SLC9B1: variants seen among roughly 807,000 people sequenced by gnomAD.
SLC9B1 encodes solute carrier family 9 member B1, also known as sodium/hydrogen exchanger 9B1.
SLC9B1 carries 32 observed loss-of-function variants against 51.7 expected under a neutral mutation model. The observed-to-expected ratio is 0.62, with a 90% confidence interval of 0.47 to 0.83. The LOEUF (loss-of-function observed/expected upper bound fraction) is 0.83, where lower values mean the gene tolerates loss of function less well. Among genes scored for constraint, SLC9B1 ranks in the 40% least tolerant of loss-of-function variants. The pLI is 0.00. For synonymous variants in SLC9B1, 145 were observed against 212.7 expected (o/e 0.68, Z 2.77); for missense variants, 406 against 613.2 (o/e 0.66, Z 3.57).
intron 7 of SLC9B1, among the ~76,000 whole-genome samples, chr4:102,931,743 C>A (rs1245908454): frequency 6.6e-6 from 1 of 152,094 alleles, no homozygotes; most frequent in Non-Finnish European, 1.5e-5. Context: ...ATAGAGCAAC[C>A]AGTTGTTTAT....
At chr4:103,017,270 C>T (rs1741418892) in intron 1 of SLC9B1, among the ~76,000 whole-genome samples, 1 of 152,166 alleles carries the variant, frequency 6.6e-6, no homozygotes. Context: ...CTGCAATTAT[C>T]TTCTGCTATA....
chr4:102,918,413 C>T (rs1735696367), intron 7 of SLC9B1, among the ~76,000 whole-genome samples: 1 of 152,106 alleles, frequency 6.6e-6, no homozygotes, highest in Admixed American at 6.6e-5. Flanking sequence ...AAAAACCTCC[C>T]AGCAAACCAA....
intron 3 of SLC9B1, among the ~76,000 whole-genome samples, chr4:102,960,331 G>C (rs1017686221): frequency 2.0e-5 from 3 of 152,092 alleles, no homozygotes; most frequent in Non-Finnish European, 4.4e-5. Flanking sequence ...ACTCTGGGTA[G>C]AGAAATAGTA....
chr4:102,998,304 A>G (rs577006760), intron 1 of SLC9B1, among the ~76,000 whole-genome samples: 1 of 152,256 alleles, frequency 6.6e-6, no homozygotes, highest in African/African-American at 2.4e-5. Flanking sequence ...TGCACTTATC[A>G]TGCCTTCAAA....
intron 3 of SLC9B1, among the ~76,000 whole-genome samples, chr4:102,964,381 A>G (rs1343602264): frequency 6.6e-6 from 1 of 152,054 alleles, no homozygotes; most frequent in Admixed American, 6.5e-5. Context: ...AATAATACCA[A>G]TGTTACAAAA....
intron 3 of SLC9B1, among the ~76,000 whole-genome samples, chr4:102,961,525 C>T (rs1738123089): frequency 6.6e-6 from 1 of 152,368 alleles, no homozygotes. Context: ...TAGTATTTGC[C>T]AACTCCCAGA....
intron 3 of SLC9B1, among the ~76,000 whole-genome samples, chr4:102,966,773 C>T (rs887345677): frequency 6.6e-6 from 1 of 152,172 alleles, no homozygotes; most frequent in African/African-American, 2.4e-5. Context: ...ATTGGTTGTT[C>T]TGCTGCACCC....
At position 102,925,251 on chromosome 4, in the gene SLC9B1, A is replaced by G. The variant is rs558689285; in HGVS notation, c.829+6873T>C. ...TAAAAAGGATGAGTTCCTGTCCTTT[A>G]TAAGGACATGGATGAAGCTAGAAAC... On this transcript the variant is annotated intron_variant, in intron 7 of 11. Transcript: ENST00000296422. Among the ~76,000 whole-genome samples the G allele has an allele frequency of 8.7e-4, 133 of 152,148 alleles. 1 individual carries two copies. Among genetic ancestry groups the G allele is most frequent in the African/African-American group, 2.8e-3 (117 of 41,522 alleles).
chr4:102,905,112 C>A (rs1436861026), intron 11 of SLC9B1, among the ~76,000 whole-genome samples: 1 of 151,818 alleles, frequency 6.6e-6, no homozygotes, highest in African/African-American at 2.4e-5. Context: ...TGTGATCATG[C>A]GACTGCACTC....
intron 1 of SLC9B1, among the ~76,000 whole-genome samples, chr4:103,012,737 A>T (rs1377036958): frequency 6.6e-6 from 1 of 152,240 alleles, no homozygotes; most frequent in Non-Finnish European, 1.5e-5. Context: ...ATTAAGGTTC[A>T]GTCAGGTTCA....
intron 1 of SLC9B1, among the ~76,000 whole-genome samples, chr4:103,004,796 A>G (rs955375075): frequency 1.3e-5 from 2 of 152,252 alleles, no homozygotes; most frequent in Non-Finnish European, 2.9e-5. Context: ...ATTCTTAAAG[A>G]AAAGAAATTT....
intron 3 of SLC9B1, 109 bp downstream of exon 3, chr4:102,989,691 A>G: frequency 1.6e-6 from 1 of 616,516 alleles, no homozygotes; most frequent in Admixed American, 4.2e-5. Flanking sequence ...AAAGCTGATC[A>G]TCTGATCTGG....
chr4:102,967,470 A>C (rs1372339882), intron 3 of SLC9B1, among the ~76,000 whole-genome samples: 5 of 152,200 alleles, frequency 3.3e-5, no homozygotes, highest in Non-Finnish European at 7.3e-5. Flanking sequence ...GCTGGAAAGA[A>C]TGACACTGGC....
At chr4:102,909,467 G>A (rs1735229437) in intron 9 of SLC9B1, among the ~76,000 whole-genome samples, 1 of 152,048 alleles carries the variant, frequency 6.6e-6, no homozygotes, top group African/African-American at 2.4e-5. Flanking sequence ...GCTGGGTGTG[G>A]TGGTGTGCGC....
chr4:102,981,990 T>C (rs1739386590), intron 3 of SLC9B1, among the ~76,000 whole-genome samples: 1 of 152,152 alleles, frequency 6.6e-6, no homozygotes, highest in East Asian at 1.9e-4. Flanking sequence ...AAAGGTCATC[T>C]AGATTTTCTA....
chr4:102,908,816 T>A (rs1309987533), intron 9 of SLC9B1, among the ~76,000 whole-genome samples: 1 of 152,288 alleles, frequency 6.6e-6, no homozygotes, highest in African/African-American at 2.4e-5. Flanking sequence ...AATATATACA[T>A]AACAAAGGAT....
intron 7 of SLC9B1, among the ~76,000 whole-genome samples, chr4:102,924,130 G>A (rs1736032148): frequency 6.6e-6 from 1 of 152,164 alleles, no homozygotes; most frequent in Non-Finnish European, 1.5e-5. Context: ...CAAAGCTGGA[G>A]GCATCACACT....
chr4:102,973,842 T>C (rs1738887967), intron 3 of SLC9B1, among the ~76,000 whole-genome samples: 1 of 152,204 alleles, frequency 6.6e-6, no homozygotes, highest in Admixed American at 6.5e-5. Context: ...ACTTGTGAGA[T>C]AGAGCTGAGG....
chr4:102,973,346 A>G (rs188110478), intron 3 of SLC9B1, among the ~76,000 whole-genome samples: 5 of 152,308 alleles, frequency 3.3e-5, no homozygotes, highest in Admixed American at 2.6e-4. Context: ...CTGAGGAATA[A>G]AAGTCATTAT....
Sources: allele counts gnomAD v4.1 joint callset (sites outside exome capture counted in the v4.1 genomes callset), GRCh38; gene constraint gnomAD v4.1.1; transcripts MANE v1.5; gene names NCBI Gene and HGNC (gene_info 2026-07-23, HGNC 2026-07-21).